Variants in DCLK3 observed in about 807,000 individuals in gnomAD.
DCLK3 encodes doublecortin like kinase 3, also known as serine/threonine-protein kinase DCLK3.
In DCLK3, 30 loss-of-function variants were observed where a neutral mutation model predicts 46.4. That is an observed-to-expected ratio of 0.65 (90% CI 0.48 to 0.88). The LOEUF (loss-of-function observed/expected upper bound fraction) is 0.88. Among genes scored for constraint, DCLK3 ranks in the 40% least tolerant of loss-of-function variants. The pLI is 0.00. For missense variants in DCLK3, 846 were observed against 907.1 expected (o/e 0.93, Z 0.87); for synonymous variants, 401 against 339.2 (o/e 1.18, Z -2.00).
At chr3:36,756,459 C>T (rs1701485009) in intron 1 of DCLK3, among the ~76,000 whole-genome samples, 1 of 152,146 alleles carries the variant, frequency 6.6e-6, no homozygotes. Flanking sequence ...GCTCAGGGAC[C>T]ATGGACAGGG....
intron 1 of DCLK3, among the ~76,000 whole-genome samples, chr3:36,761,928 A>G (rs1461946859): frequency 6.6e-6 from 1 of 152,194 alleles, no homozygotes; most frequent in Non-Finnish European, 1.5e-5. Flanking sequence ...AAAGAAAACC[A>G]AAACATCTGC....
Position 36,738,647 on chromosome 3 carries a change from G to A in DCLK3, c.520C>T (p.Pro174Ser). ...GDAFIAMGKE[P>S]LTLKSIQVAV... ...ACCTGAATGCTCTTCAGTGTCAGTG[G>A]TTCTTTGCCCATAGCTATGAAAGCA... The change falls in exon 2 of 5, where the codon CCA becomes TCA. Residue 174 changes from proline (P) to serine (S), a missense_variant. By Grantham distance (74) the Pro-to-Ser change is moderately conservative. Coordinates refer to ENST00000636136, the MANE Select transcript of DCLK3 (RefSeq NM_001394672.2). The A allele has an allele frequency of 7.5e-7, 1 of 1,332,784 alleles. No homozygotes were observed. The highest frequency in any genetic ancestry group is 9.7e-7 in the Non-Finnish European group (1 of 1,033,846). 82.6% of individuals were successfully genotyped at this position (1,332,784 alleles called of 1,614,324 possible).
intron 1 of DCLK3, among the ~76,000 whole-genome samples, chr3:36,759,091 C>T (rs914553693): frequency 1.3e-5 from 2 of 152,094 alleles, no homozygotes; most frequent in African/African-American, 4.8e-5. Flanking sequence ...CTGAACTGCA[C>T]TATAATAAAA....
chr3:36,759,537 T>G (rs1374249006), intron 1 of DCLK3, among the ~76,000 whole-genome samples: 1 of 152,228 alleles, frequency 6.6e-6, no homozygotes, highest in Non-Finnish European at 1.5e-5. Context: ...GATGATGAAG[T>G]TGATTTGTTA....
chr3:36,761,991 A>AT (rs1339663858), intron 1 of DCLK3, among the ~76,000 whole-genome samples: 1 of 152,100 alleles, frequency 6.6e-6, no homozygotes, highest in African/African-American at 2.4e-5. Context: ...TCTTTGGGGG[A>AT]TTTTTTCTTG....
chr3:36,735,391 T>C (rs1229721356), intron 2 of DCLK3, among the ~76,000 whole-genome samples: 3 of 152,196 alleles, frequency 2.0e-5, no homozygotes, highest in Non-Finnish European at 1.5e-5. Flanking sequence ...AGACCCCTCA[T>C]CCAACCAGTC....
rs768125941 is a variant in DCLK3 at position 36,737,650 on chromosome 3, G to A, written c.1517C>T (p.Pro506Leu). 8.7e-6 allele frequency: 14 copies of A among 1,613,810 alleles called. No homozygotes were observed. The highest frequency in any genetic ancestry group is 2.7e-5 in the African/African-American group (2 of 74,910). The part of the protein sequence containing the change: ...TRPEENKPER[P>L]SGRKPRPMGI... ...CATGGGCCGTGGCTTCCGACCGCTG[G>A]GCCGCTCTGGCTTGTTCTCTTCTGG... The change falls in exon 2 of 5, where the codon CCC (proline) becomes CTC (leucine). Residue 506 changes from proline (P) to leucine (L), a missense_variant. Pro to Leu is a moderately conservative substitution (Grantham distance 98). This residue lies in a region of DCLK3 where 553 missense variants were observed against 543.0 expected (regional missense o/e 1.02). Transcript: ENST00000636136. The surrounding 1 kb of genome is among the most constrained non-coding windows in gnomAD (Gnocchi z 4.4).
chr3:36,724,822 A>G (rs969265142), intron 2 of DCLK3, among the ~76,000 whole-genome samples: 2 of 152,170 alleles, frequency 1.3e-5, no homozygotes, highest in Non-Finnish European at 2.9e-5. Context: ...CACAAAAATT[A>G]AAAATTATGA....
chr3:36,762,994 T>A (rs994870412), intron 1 of DCLK3, among the ~76,000 whole-genome samples: 6 of 152,184 alleles, frequency 3.9e-5, no homozygotes, highest in Non-Finnish European at 7.3e-5. Context: ...ATCCTAAGGA[T>A]AAGCACAATG....
At chr3:36,759,153 T>A (rs1701514548) in intron 1 of DCLK3, among the ~76,000 whole-genome samples, 1 of 152,212 alleles carries the variant, frequency 6.6e-6, no homozygotes, top group South Asian at 2.1e-4. Context: ...TTTAAAGGAA[T>A]TCCCATATTA....
chr3:36,721,717 A>G (rs538507125), intron 2 of DCLK3, 58 bp from the exon 3 acceptor site: 1 of 1,607,012 alleles, frequency 6.2e-7, no homozygotes, highest in Admixed American at 1.7e-5. Context: ...AAGAAGGGAT[A>G]CTAATGAAAC....
chr3:36,719,279 TCTAA>T (rs889439257), intron 3 of DCLK3, among the ~76,000 whole-genome samples: 57 of 152,350 alleles, frequency 3.7e-4, no homozygotes, highest in Middle Eastern at 3.4e-3. Context: ...TCAAACACTT[TCTAA>T]CTAACTTTTT....
intron 2 of DCLK3, among the ~76,000 whole-genome samples, chr3:36,729,299 A>C (rs1575138315): frequency 1.4e-5 from 2 of 140,238 alleles, no homozygotes; most frequent in East Asian, 2.2e-4. Flanking sequence ...CTTTGCCCTC[A>C]CCCCACATCT....
At chr3:36,717,703 T>C (rs1015559595) in intron 4 of DCLK3, among the ~76,000 whole-genome samples, 10 of 152,234 alleles carry the variant, frequency 6.6e-5, no homozygotes, top group African/African-American at 2.2e-4. Context: ...GCATATAAGA[T>C]GGCCTTTCTC....
chr3:36,736,804 T>C (rs1224946514), intron 2 of DCLK3, among the ~76,000 whole-genome samples: 2 of 152,166 alleles, frequency 1.3e-5, no homozygotes, highest in East Asian at 3.9e-4. Flanking sequence ...TAGCAAAGCA[T>C]TATCTTCAAA....
Position 36,729,489 on chromosome 3 carries a change from G to C in DCLK3, c.1959+7719C>G, listed in dbSNP as rs186374307. ...CCAGCCACACCAAAGTGTCATGCTT[G>C]GAATTCAAGTGGTCTACATTATTTA... On this transcript the variant is annotated intron_variant, in intron 2 of 4. Coordinates refer to ENST00000636136, the MANE Select transcript of DCLK3 (RefSeq NM_001394672.2). Among the ~76,000 whole-genome samples, 174 of 152,314 alleles carry C rather than the reference G, an allele frequency of 1.1e-3. 1 individual carries two copies. In the Middle Eastern group the frequency reaches 0.031, roughly 27 times the overall value.
Position 36,715,388 on chromosome 3 carries a change from G to C in DCLK3, c.2394C>G (p.Ser798=). The C allele has an allele frequency of 6.2e-7, 1 of 1,614,120 alleles. No individual in the cohort carries two copies. The highest frequency in any genetic ancestry group is 8.5e-7 in the Non-Finnish European group (1 of 1,180,002). ...TCCGGAAGTGACCCTCGCTGCTGGG[G>C]GACACCTGCTTCTGTCGTTTCACTG... is the stretch of plus-strand genomic sequence containing the variant. The part of the protein sequence containing the change: ...TNTVKRQKQV[S]PSSEGHFRSQ... Residue 798 remains serine (S), a synonymous_variant, in exon 5 of 5, where the codon TCC becomes TCG. Coordinates refer to ENST00000636136, the MANE Select transcript of DCLK3 (RefSeq NM_001394672.2).
In DCLK3 at chr3:36,737,522, G is replaced by C; in HGVS notation, c.1645C>G (p.Gln549Glu). ...TCAATGATCTTCATCGCATAGGCCT[G>C]CCTGGTCTCGCGGTGTCTGCACTCC... is the stretch of plus-strand genomic sequence containing the variant. ...VKECRHRETR[Q>E]AYAMKIIDKS... is the part of the protein sequence containing the mutation. Residue 549 changes from glutamine (Q) to glutamate (E), a missense_variant, in exon 2 of 5, where the codon CAG becomes GAG. Coordinates refer to ENST00000636136, the MANE Select transcript of DCLK3 (RefSeq NM_001394672.2). This position sits in a 1 kb window ranked among gnomAD's most constrained non-coding sequence, Gnocchi z 4.4. The C allele has an allele frequency of 6.2e-7, 1 of 1,614,172 alleles. No homozygotes were observed.
At chr3:36,730,875 T>C (rs1701190766) in intron 2 of DCLK3, among the ~76,000 whole-genome samples, 1 of 151,928 alleles carries the variant, frequency 6.6e-6, no homozygotes, top group African/African-American at 2.4e-5. Flanking sequence ...GAGCAAGTTT[T>C]CAGGTAGAAG....
Sources: allele counts gnomAD v4.1 joint callset (sites outside exome capture counted in the v4.1 genomes callset), GRCh38; gene constraint gnomAD v4.1.1; regional missense constraint gnomAD v4.1.1; non-coding constraint Gnocchi (gnomAD v3.1); transcripts MANE v1.5; gene names NCBI Gene and HGNC (gene_info 2026-07-23, HGNC 2026-07-21).